The following ZFAT variants were observed in gnomAD, a reference collection of about 807,000 sequenced individuals.
ZFAT encodes the protein zinc finger and AT-hook domain containing.
Under a neutral mutation model 117.7 loss-of-function variants are expected in ZFAT, and 64 were observed. The observed-to-expected ratio is 0.54, with a 90% CI of 0.44 to 0.67. The LOEUF is 0.67. Among genes scored for constraint, ZFAT ranks in the 30% least tolerant of loss-of-function variants. The pLI is 0.00. For missense variants in ZFAT, 1,433 were observed against 1,584.5 expected (o/e 0.90, Z 1.62); for synonymous variants, 679 against 615.0 (o/e 1.10, Z -1.54).
intron 2 of ZFAT, among the ~76,000 whole-genome samples, chr8:134,639,085 A>T (rs1253378170): frequency 6.6e-6 from 1 of 152,186 alleles, no homozygotes; most frequent in East Asian, 1.9e-4. Flanking sequence ...ATCTACTGCT[A>T]TTACCATGAG....
At chr8:134,592,331 T>C (rs1826570624) in intron 7 of ZFAT, among the ~76,000 whole-genome samples, 1 of 152,194 alleles carries the variant, frequency 6.6e-6, no homozygotes, top group Non-Finnish European at 1.5e-5. Context: ...CCATATCCTA[T>C]GAGGCCTTTA....
At chr8:134,536,993 G>A (rs1821889848) in intron 11 of ZFAT, among the ~76,000 whole-genome samples, 1 of 152,190 alleles carries the variant, frequency 6.6e-6, no homozygotes, top group South Asian at 2.1e-4. Flanking sequence ...ACAAGACAGG[G>A]AGCCCATTAG....
chr8:134,666,949 T>C (rs570709560), intron 1 of ZFAT, among the ~76,000 whole-genome samples: 1 of 152,254 alleles, frequency 6.6e-6, no homozygotes, highest in South Asian at 2.1e-4. Flanking sequence ...CCACGCCAAG[T>C]GCGGCCATAA....
chr8:134,642,492 T>C (rs1478757360), intron 2 of ZFAT, among the ~76,000 whole-genome samples: 5 of 152,208 alleles, frequency 3.3e-5, no homozygotes, highest in Admixed American at 3.3e-4. Flanking sequence ...ATTATGGCCA[T>C]AGTCATTAAG....
At chr8:134,807,296 G>A in the ZFAT span, among the ~76,000 whole-genome samples, 1 of 152,114 alleles carries the variant, frequency 6.6e-6, no homozygotes, top group Admixed American at 6.5e-5. Flanking sequence ...CTTCCTATGT[G>A]ACAATCCAGA....
intron 7 of ZFAT, chr8:134,599,985 C>G: frequency 2.7e-6 from 1 of 372,022 alleles, no homozygotes; most frequent in South Asian, 2.1e-5. Context: ...AAAACTGTGA[C>G]AACAGTGGTC....
At chr8:134,700,511 G>A (rs996971564) in intron 1 of ZFAT, among the ~76,000 whole-genome samples, 1 of 152,228 alleles carries the variant, frequency 6.6e-6, no homozygotes, top group African/African-American at 2.4e-5. Flanking sequence ...GCAGCCGGCT[G>A]AGCACACTCC....
intron 11 of ZFAT, among the ~76,000 whole-genome samples, chr8:134,541,651 GA>G (rs796223088): frequency 6.1e-4 from 93 of 152,328 alleles, no homozygotes; most frequent in African/African-American, 2.1e-3. Context: ...AAAAGGGAGA[GA>G]GGGGGAAGGG....
intron 1 of ZFAT, among the ~76,000 whole-genome samples, chr8:134,695,598 G>A (rs1460920298): frequency 6.2e-5 from 9 of 145,024 alleles, no homozygotes; most frequent in East Asian, 2.1e-4. Context: ...CCAGGAAGGC[G>A]CTGCCCTCAG....
At chr8:134,715,636 A>T (rs1814202811), upstream of ZFAT, among the ~76,000 whole-genome samples, 1 of 152,248 alleles carries the variant, frequency 6.6e-6, no homozygotes, top group Admixed American at 6.5e-5. Context: ...GATGTAAATC[A>T]CTCGAAAGTA....
chr8:134,692,364 ACT>A (rs536602800), intron 1 of ZFAT, among the ~76,000 whole-genome samples: 32 of 152,106 alleles, frequency 2.1e-4, no homozygotes, highest in Admixed American at 1.8e-3. Context: ...TGGAAGAAAG[ACT>A]CTCGCTGAAG....
At chr8:134,655,056 G>C (rs1255403804) in intron 2 of ZFAT, among the ~76,000 whole-genome samples, 1 of 152,146 alleles carries the variant, frequency 6.6e-6, no homozygotes, top group Non-Finnish European at 1.5e-5. Context: ...CACCTGCAAG[G>C]GGCTTCCCAG....
the ZFAT span, chr8:134,785,237 G>A: frequency 1.6e-4 from 24 of 152,060 alleles, no homozygotes; most frequent in Admixed American, 1.6e-3. Flanking sequence ...CCCCCCTTAA[G>A]TAGTCCTTTA....
At chr8:134,721,161 G>A in the ZFAT span, among the ~76,000 whole-genome samples, 2 of 152,300 alleles carry the variant, frequency 1.3e-5, no homozygotes, top group South Asian at 2.1e-4. Context: ...AGAAAGCCCC[G>A]TTGTGACAAC....
intron 12 of ZFAT, 96 bp downstream of exon 12, chr8:134,532,738 C>A: frequency 6.8e-7 from 1 of 1,468,340 alleles, no homozygotes; most frequent in Admixed American, 2.1e-5. Flanking sequence ...ATTTATGTAG[C>A]AGAACTGAAC....
chr8:134,797,932 T>C, the ZFAT span: 1 of 151,870 alleles, frequency 6.6e-6, no homozygotes, highest in Non-Finnish European at 1.5e-5. Context: ...ATGAAGAGGT[T>C]AGTTGATTAT....
At chr8:134,508,088 C>T (rs952225807) in intron 15 of ZFAT, among the ~76,000 whole-genome samples, 5 of 148,390 alleles carry the variant, frequency 3.4e-5, no homozygotes, top group Non-Finnish European at 7.6e-5. Context: ...CTCTCCAGCT[C>T]GACTCCTGAG....
chr8:134,519,850 T>G lies in ZFAT; in HGVS notation c.3234+1033A>C, dbSNP rs553430860. Among the ~76,000 whole-genome samples the G allele has an allele frequency of 2.0e-5, 3 of 152,160 alleles. No homozygotes were observed. The South Asian group carries it at 6.2e-4, about 32-fold the overall frequency. ...TTTTTTTTTTTATCTTAAGGATGTA[T>G]CCATCAAATTCTATTTACTCTTTTT... On this transcript the variant is annotated intron_variant, in intron 13 of 15. Coordinates refer to ENST00000377838, the MANE Select transcript of ZFAT (RefSeq NM_020863.4).
intron 15 of ZFAT, among the ~76,000 whole-genome samples, chr8:134,480,875 T>A (rs1222320280): frequency 6.6e-6 from 1 of 152,158 alleles, no homozygotes; most frequent in Admixed American, 6.5e-5. Flanking sequence ...TATTCCAGTC[T>A]CCATGAGTGA....
Sources: allele counts gnomAD v4.1 joint callset (sites outside exome capture counted in the v4.1 genomes callset), GRCh38; gene constraint gnomAD v4.1.1; transcripts MANE v1.5; gene names NCBI Gene and HGNC (gene_info 2026-07-23, HGNC 2026-07-21).